The following AMIGO3 variants were observed in gnomAD, a reference collection of about 807,000 sequenced individuals.
AMIGO3 encodes the protein adhesion molecule with Ig like domain 3, also known as amphoterin-induced protein 3.
Under a neutral mutation model 4.3 loss-of-function variants are expected in AMIGO3, and 6 were observed. The observed-to-expected ratio is 1.39, with a 90% CI of 0.76 to 2.75. The LOEUF is 2.75. AMIGO3 is among the 30% of genes most tolerant of loss of function. AMIGO3 has a pLI of 0.00. For synonymous variants in AMIGO3, 315 were observed against 320.0 expected (o/e 0.98, Z 0.17); for missense variants, 771 against 692.1 (o/e 1.11, Z -1.28).
Position 49,717,868 on chromosome 3 carries a change from T to TATC in AMIGO3, c.*80_*82dup. The TATC allele has an allele frequency of 1.4e-6, 2 of 1,448,630 alleles. No homozygotes were observed. The highest frequency in any genetic ancestry group is 1.3e-5 in the South Asian group (1 of 76,826). The allele number at this position is 1,448,630 out of a possible 1,614,324, so 89.7% of individuals were successfully genotyped here. On this transcript the variant is annotated 3_prime_UTR_variant, in exon 1 of 1. Coordinates refer to ENST00000320431, the MANE Select transcript of AMIGO3 (RefSeq NM_198722.3). ...GGCCAGGCACAGTGCTTCCCACCAGTATCTGCCAGTTCTCTGGACCGAAGC... is the reference window on the plus strand; with the variant it reads ...GGCCAGGCACAGTGCTTCCCACCAGTATCATCTGCCAGTTCTCTGGACCGAAGC...
rs1345846769 is a variant in AMIGO3 at position 49,718,516 on chromosome 3, T to C, written c.950A>G (p.Glu317Gly). ...GCGGGATCCTGGCGCCCTGAGAAGC[T>C]CCTGCTGCGGCGAAACCCAGGCAAT... ...MRIAWVSPQQ[E>G]LLRAPGSRDG... Residue 317 changes from glutamate (E) to glycine (G), a missense_variant, in exon 1 of 1, where the codon GAG (glutamate) becomes GGG (glycine). Transcript: ENST00000320431. The C allele has an allele frequency of 1.2e-6, 2 of 1,612,998 alleles. No individual in the cohort carries two copies. Among genetic ancestry groups the C allele is most frequent in the African/African-American group, 2.7e-5 (2 of 74,912 alleles).
rs763999842 is a variant in AMIGO3, at chr3:49,719,154, G to C, written c.312C>G (p.Val104=). 2 of 1,613,610 alleles carry C rather than the reference G, an allele frequency of 1.2e-6. No individual in the cohort carries two copies. Among genetic ancestry groups the C allele is most frequent in the Non-Finnish European group, 1.7e-6 (2 of 1,180,022 alleles). ...GCCTCAGGCCGCTGGCGTTGACGAA[G>C]ACGCCGCGACCCAGCGCATCTAGTT... The part of the protein sequence containing the change: ...HNELDALGRG[V]FVNASGLRLL... Residue 104 remains valine, a synonymous_variant, in exon 1 of 1, where the codon GTC becomes GTG. Coordinates refer to ENST00000320431, the MANE Select transcript of AMIGO3 (RefSeq NM_198722.3).
chr3:49,718,211 A>T lies in AMIGO3; in HGVS notation c.1255T>A (p.Trp419Arg), dbSNP rs1211646486. The change falls in exon 1 of 1, where the codon TGG becomes AGG. Residue 419 changes from tryptophan (W) to arginine (R), a missense_variant. Coordinates refer to ENST00000320431, the MANE Select transcript of AMIGO3 (RefSeq NM_198722.3). Reference protein sequence around the residue: ...CCRRACRCRRWPQTPSPLQEL... With the variant: ...CCRRACRCRRRPQTPSPLQEL... ...TGGAGCGGGCTGGGTGTTTGGGGCC[A>T]GCGGCGGCAGCGGCAGGCACGGCGG... The T allele has an allele frequency of 6.2e-7, 1 of 1,610,728 alleles. No individual in the cohort carries two copies. Among genetic ancestry groups the T allele is most frequent in the Non-Finnish European group, 8.5e-7 (1 of 1,179,540 alleles).
In AMIGO3 at chr3:49,718,026, G is replaced by A; in HGVS notation, c.1440C>T (p.Asn480=). 6.2e-7 allele frequency: 1 copy of A among 1,613,694 alleles called. No homozygotes were observed. Among genetic ancestry groups the A allele is most frequent in the Non-Finnish European group, 8.5e-7 (1 of 1,180,046 alleles). The change falls in exon 1 of 1, where the codon AAC becomes AAT. Residue 480 remains asparagine (N), a synonymous_variant. Transcript: ENST00000320431. The part of the protein sequence containing the change: ...LAVAEEFDLY[N]PGGLQLKAGS... ...CAGCCTTCAGCTGCAGGCCTCCAGG[G>A]TTGTAGAGATCGAATTCCTCAGCTA...
chr3:49,717,906 G>C lies in AMIGO3; in HGVS notation c.*45C>G. 1.3e-6 allele frequency: 2 copies of C among 1,570,084 alleles called. No homozygotes were observed. Among genetic ancestry groups the C allele is most frequent in the Non-Finnish European group, 1.7e-6 (2 of 1,158,922 alleles). On this transcript the variant is annotated 3_prime_UTR_variant, in exon 1 of 1. Coordinates refer to ENST00000320431, the MANE Select transcript of AMIGO3 (RefSeq NM_198722.3). ...TCTGGACCGAAGCAGGGAGCAGGGC[G>C]AGCAGCAAGAGGGTGGGGGCCTGGG...
rs1009054923 is a variant in AMIGO3 at position 49,719,666 on chromosome 3, C to T, written c.-201G>A. On this transcript the variant is annotated 5_prime_UTR_variant, in exon 1 of 1. Transcript: ENST00000320431. ...GCGGCACTCTTAGCCGCGCTCCCTT[C>T]GGCTTCGCTAGCCCTCTCCAAGCGA... 8 of 569,772 alleles carry T rather than the reference C, an allele frequency of 1.4e-5. No individual in the cohort carries two copies. The African/African-American group carries it at 1.5e-4, about 11-fold the overall frequency. 35.3% of individuals were successfully genotyped at this position (569,772 alleles called of 1,614,324 possible). A position where few individuals can be genotyped will look rare whatever the true frequency, so the allele number is the denominator to read the frequency against.
chr3:49,717,029 AGT>A lies in AMIGO3; in HGVS notation c.*920_*921del, dbSNP rs1256947422. 2 of 154,010 alleles carry A rather than the reference AGT, an allele frequency of 1.3e-5. No homozygotes were observed. Among genetic ancestry groups the A allele is most frequent in the Non-Finnish European group, 2.9e-5 (2 of 69,218 alleles). 9.5% of individuals were successfully genotyped at this position (154,010 alleles called of 1,614,324 possible). On this transcript the variant is annotated 3_prime_UTR_variant, in exon 1 of 1. Coordinates refer to ENST00000320431, the MANE Select transcript of AMIGO3 (RefSeq NM_198722.3). ...CCGCCTCAGCCATTAGGCTGAGACC[AGT>A]GCCAGCCCTTAAGAGGCTCCTGCTC...
chr3:49,718,114 T>C lies in AMIGO3; in HGVS notation c.1352A>G (p.His451Arg). The C allele has an allele frequency of 6.2e-7, 1 of 1,613,556 alleles. No individual in the cohort carries two copies. The highest frequency in any genetic ancestry group is 8.5e-7 in the Non-Finnish European group (1 of 1,180,046). The change falls in exon 1 of 1, where the codon CAC (histidine) becomes CGC (arginine). Residue 451 changes from histidine to arginine, a missense_variant. Transcript: ENST00000320431. ...TGGCTCCAGAAAGACTACGTGCTTG[T>C]GGACGCTGGCCTTGCGGCTGGGTGC... ...PDAPSRKASV[H>R]KHVVFLEPGR...
At position 49,718,845 on chromosome 3, in the gene AMIGO3, C is replaced by A; in HGVS notation, c.621G>T (p.Pro207=). The stretch of plus-strand genomic sequence containing the variant: ...AGTAGAGGCCGTTCTTGAGGAAGGC[C>A]GGCAGCGCGGCCAGCTCAGGTACGG... ...HISVPELAAL[P]AFLKNGLYLH... is the part of the protein sequence containing the mutation. Residue 207 remains proline (P), a synonymous_variant, in exon 1 of 1, where the codon CCG becomes CCT. Transcript: ENST00000320431. 2.5e-6 allele frequency: 4 copies of A among 1,613,432 alleles called. No homozygotes were observed. Among genetic ancestry groups the A allele is most frequent in the Non-Finnish European group, 3.4e-6 (4 of 1,180,050 alleles).
chr3:49,719,627 G>T lies in AMIGO3; in HGVS notation c.-162C>A. 1.6e-6 allele frequency: 1 copy of T among 631,126 alleles called. No individual in the cohort carries two copies. Among genetic ancestry groups the T allele is most frequent in the Non-Finnish European group, 2.8e-6 (1 of 361,070 alleles). 39.1% of individuals were successfully genotyped at this position (631,126 alleles called of 1,614,324 possible). A position where few individuals can be genotyped will look rare whatever the true frequency, so the allele number is the denominator to read the frequency against. ...GACGGCCCCTACTCTCCGGTTCCCA[G>T]GTTGTGAGGCGGTGCGGCACTCTTA... On this transcript the variant is annotated 5_prime_UTR_variant, in exon 1 of 1. The change creates a new upstream start codon in the 5' untranslated region. Coordinates refer to ENST00000320431, the MANE Select transcript of AMIGO3 (RefSeq NM_198722.3).
In AMIGO3 at chr3:49,717,934, G is replaced by A. The variant is rs2080280528; in HGVS notation, c.*17C>T. 7 of 1,601,382 alleles carry A rather than the reference G, an allele frequency of 4.4e-6. No homozygotes were observed. The East Asian group carries it at 1.6e-4, about 36-fold the overall frequency. On this transcript the variant is annotated 3_prime_UTR_variant, in exon 1 of 1. Transcript: ENST00000320431. ...CAGCAAGAGGGTGGGGGCCTGGGTG[G>A]GGGAGCCCTGGGCAGTCTAGGTTGT...
chr3:49,718,835 T>G lies in AMIGO3; in HGVS notation c.631A>C (p.Lys211Gln). Residue 211 changes from lysine to glutamine, a missense_variant, in exon 1 of 1, where the codon AAG (lysine) becomes CAG (glutamine). Lys to Gln is a moderately conservative substitution (Grantham distance 53). Transcript: ENST00000320431. ...TTGTTGTGCAAGTAGAGGCCGTTCTTGAGGAAGGCCGGCAGCGCGGCCAGC... is the reference window on the plus strand; with the variant it reads ...TTGTTGTGCAAGTAGAGGCCGTTCTGGAGGAAGGCCGGCAGCGCGGCCAGC... ...PELAALPAFL[K>Q]NGLYLHNNPL... is the part of the protein sequence containing the mutation. 6.2e-7 allele frequency: 1 copy of G among 1,613,424 alleles called. No homozygotes were observed. The highest frequency in any genetic ancestry group is 8.5e-7 in the Non-Finnish European group (1 of 1,180,028).
Position 49,717,928 on chromosome 3 carries a change from T to TG in AMIGO3, c.*22dup. On this transcript the variant is annotated 3_prime_UTR_variant, in exon 1 of 1. Coordinates refer to ENST00000320431, the MANE Select transcript of AMIGO3 (RefSeq NM_198722.3). ...GGCGAGCAGCAAGAGGGTGGGGGCC[T>TG]GGGTGGGGGAGCCCTGGGCAGTCTA... The TG allele has an allele frequency of 4.4e-6, 7 of 1,587,232 alleles. No homozygotes were observed. The highest frequency in any genetic ancestry group is 6.0e-6 in the Non-Finnish European group (7 of 1,166,512).
chr3:49,717,639 A>T lies in AMIGO3; in HGVS notation c.*312T>A. On this transcript the variant is annotated 3_prime_UTR_variant, in exon 1 of 1. Coordinates refer to ENST00000320431, the MANE Select transcript of AMIGO3 (RefSeq NM_198722.3). ...ACAGCTGTGCTGTGTTGAAAGCCAC[A>T]GGGGCCTGGGTCTCTCAGCCTCACA... The T allele has an allele frequency of 4.3e-6, 2 of 465,060 alleles. No individual in the cohort carries two copies. The highest frequency in any genetic ancestry group is 7.8e-6 in the Non-Finnish European group (2 of 256,936). 28.8% of individuals were successfully genotyped at this position (465,060 alleles called of 1,614,324 possible).
At position 49,719,212 on chromosome 3, in the gene AMIGO3, A is replaced by C. The variant is rs1478073447; in HGVS notation, c.254T>G (p.Phe85Cys). The change falls in exon 1 of 1, where the codon TTC becomes TGC. Residue 85 changes from phenylalanine (F) to cysteine (C), a missense_variant. By Grantham distance (205) the Phe-to-Cys change is radical (BLOSUM62 -2). Transcript: ENST00000320431. ...RLRPGWLAPLFQLRALHLDHN... is the reference protein window; with the variant it reads ...RLRPGWLAPLCQLRALHLDHN... The stretch of plus-strand genomic sequence containing the variant: ...GTCTAGGTGCAGGGCGCGCAGCTGG[A>C]AGAGGGGCGCCAACCAGCCGGGGCG... 6.2e-7 allele frequency: 1 copy of C among 1,613,188 alleles called. No individual in the cohort carries two copies. Among genetic ancestry groups the C allele is most frequent in the Admixed American group, 1.7e-5 (1 of 59,992 alleles).
rs549563192 is a variant in AMIGO3 at position 49,719,306 on chromosome 3, C to T, written c.160G>A (p.Asp54Asn). The change falls in exon 1 of 1, where the codon GAC becomes AAC. Residue 54 changes from aspartate to asparagine, a missense_variant. Transcript: ENST00000320431. ...LLSCTGLGLQDVPAELPAATA... is the reference protein window; with the variant it reads ...LLSCTGLGLQNVPAELPAATA... ...GCGGCAGGTAACTCGGCTGGCACGT[C>T]CTGCAGCCCTAGGCCAGTGCAGCTT... The T allele has an allele frequency of 4.3e-6, 7 of 1,613,166 alleles. No homozygotes were observed. The highest frequency in any genetic ancestry group is 2.2e-5 in the East Asian group (1 of 44,862).
chr3:49,717,800 G>A lies in AMIGO3; in HGVS notation c.*151C>T. 8.5e-6 allele frequency: 7 copies of A among 827,612 alleles called. No individual in the cohort carries two copies. The South Asian group carries it at 1.1e-4, about 13-fold the overall frequency. 51.3% of individuals were successfully genotyped at this position (827,612 alleles called of 1,614,324 possible). On this transcript the variant is annotated 3_prime_UTR_variant, in exon 1 of 1. Coordinates refer to ENST00000320431, the MANE Select transcript of AMIGO3 (RefSeq NM_198722.3). Reference sequence around the variant, plus strand: ...ACAACCCCTGTCTCTACCAGTGAGCGAGAAGGCCCATTGTGTTTCGAGGCC... The same window carrying A: ...ACAACCCCTGTCTCTACCAGTGAGCAAGAAGGCCCATTGTGTTTCGAGGCC...
At position 49,718,024 on chromosome 3, in the gene AMIGO3, G is replaced by A. The variant is rs758491355; in HGVS notation, c.1442C>T (p.Pro481Leu). ...AVAEEFDLYN[P>L]GGLQLKAGSE... ...GCCAGCCTTCAGCTGCAGGCCTCCA[G>A]GGTTGTAGAGATCGAATTCCTCAGC... Residue 481 changes from proline to leucine, a missense_variant, in exon 1 of 1, where the codon CCT becomes CTT. Physicochemically the swap from Pro to Leu is moderately conservative, Grantham distance 98. Coordinates refer to ENST00000320431, the MANE Select transcript of AMIGO3 (RefSeq NM_198722.3). 3 of 1,613,708 alleles carry A rather than the reference G, an allele frequency of 1.9e-6. No individual in the cohort carries two copies. The highest frequency in any genetic ancestry group is 2.5e-6 in the Non-Finnish European group (3 of 1,180,044).
At position 49,719,317 on chromosome 3, in the gene AMIGO3, A is replaced by C; in HGVS notation, c.149T>G (p.Leu50Arg). 6.2e-7 allele frequency: 1 copy of C among 1,613,268 alleles called. No individual in the cohort carries two copies. The highest frequency in any genetic ancestry group is 2.2e-5 in the East Asian group (1 of 44,868). ...CAADLLSCTG[L>R]GLQDVPAELP... ...CTCGGCTGGCACGTCCTGCAGCCCTAGGCCAGTGCAGCTTAGCAGGTCGGC... is the reference window on the plus strand; with the variant it reads ...CTCGGCTGGCACGTCCTGCAGCCCTCGGCCAGTGCAGCTTAGCAGGTCGGC... The change falls in exon 1 of 1, where the codon CTA becomes CGA. Residue 50 changes from leucine (L) to arginine (R), a missense_variant. By Grantham distance (102) the Leu-to-Arg change is moderately radical. Coordinates refer to ENST00000320431, the MANE Select transcript of AMIGO3 (RefSeq NM_198722.3).
Sources: allele counts gnomAD v4.1 joint callset, GRCh38; gene constraint gnomAD v4.1.1; transcripts MANE v1.5; gene names NCBI Gene and HGNC (gene_info 2026-07-23, HGNC 2026-07-21).